The following RPH3A variants were observed in gnomAD, a reference collection of about 807,000 sequenced individuals.
RPH3A encodes rabphilin-3A.
In RPH3A, 48 loss-of-function variants were observed where a neutral mutation model predicts 102.2. The ratio of observed to expected loss-of-function variants is 0.47; its 90% CI spans 0.37 to 0.60. The LOEUF (loss-of-function observed/expected upper bound fraction) is 0.60, where lower values mean the gene tolerates loss of function less well. Ranked by LOEUF, RPH3A falls within the 20% of genes least tolerant of loss-of-function variation. The pLI is 0.00. For missense variants in RPH3A, 781 were observed against 910.1 expected (o/e 0.86, Z 1.83); for synonymous variants, 310 against 324.3 (o/e 0.96, Z 0.47).
intron 1 of RPH3A, among the ~76,000 whole-genome samples, chr12:112,608,309 T>A (rs1333668431): frequency 2.0e-5 from 3 of 151,556 alleles, no homozygotes; most frequent in Admixed American, 6.6e-5. Context: ...AGAGATGGGG[T>A]TTCACCATGT....
intron 2 of RPH3A, among the ~76,000 whole-genome samples, chr12:112,821,635 G>A (rs112550842): frequency 2.0e-5 from 3 of 152,198 alleles, no homozygotes; most frequent in African/African-American, 4.8e-5. Context: ...GGCTCCCTCT[G>A]ACCACCTATT....
At chr12:112,595,674 T>C (rs1268334370) in intron 1 of RPH3A, among the ~76,000 whole-genome samples, 1 of 151,988 alleles carries the variant, frequency 6.6e-6, no homozygotes. Context: ...GCTCAAGCCA[T>C]TCCAGACCAG....
At position 112,765,334 on chromosome 12, in the gene RPH3A, G is replaced by A. The variant is rs572048387; in HGVS notation, c.-139-26809G>A. ...TTCCAGTTTTCCAGAAGAAAGGCAG[G>A]CTGCCTAAATTTTGGCTCTGACAAG... On this transcript the variant is annotated intron_variant, in intron 1 of 21. Transcript: ENST00000543106. Among the ~76,000 whole-genome samples the A allele has an allele frequency of 4.0e-5, 6 of 151,272 alleles. No individual in the cohort carries two copies. In the South Asian group the frequency reaches 1.3e-3, roughly 32 times the overall value.
intron 1 of RPH3A, among the ~76,000 whole-genome samples, chr12:112,747,915 A>G (rs1438800114): frequency 1.3e-5 from 2 of 152,218 alleles, no homozygotes; most frequent in East Asian, 3.8e-4. Context: ...CCTGGCAGCC[A>G]GGAGCCCCTT....
chr12:112,673,036 G>T (rs139486494), intron 1 of RPH3A, among the ~76,000 whole-genome samples: 68 of 152,124 alleles, frequency 4.5e-4, no homozygotes, highest in African/African-American at 1.6e-3. Flanking sequence ...TTCCCAGCAG[G>T]AGTTCACTGA....
At chr12:112,670,765 A>G (rs1016358339) in intron 1 of RPH3A, among the ~76,000 whole-genome samples, 2 of 152,204 alleles carry the variant, frequency 1.3e-5, no homozygotes, top group African/African-American at 4.8e-5. Context: ...TCTCAGTGAC[A>G]GTTCTCAAGA....
At chr12:112,628,342 G>A (rs577273215) in intron 1 of RPH3A, among the ~76,000 whole-genome samples, 1 of 151,978 alleles carries the variant, frequency 6.6e-6, no homozygotes, top group South Asian at 2.1e-4. Flanking sequence ...GCTTGGTGGT[G>A]GAGCAAGTAA....
intron 1 of RPH3A, among the ~76,000 whole-genome samples, chr12:112,608,120 T>C (rs11503145): frequency 7.1e-6 from 1 of 140,752 alleles, no homozygotes; most frequent in Non-Finnish European, 1.5e-5. Flanking sequence ...TTTCTTTTTC[T>C]TTTTTTTTTT....
At chr12:112,726,404 C>T (rs914755768) in intron 1 of RPH3A, among the ~76,000 whole-genome samples, 1 of 152,154 alleles carries the variant, frequency 6.6e-6, no homozygotes, top group Non-Finnish European at 1.5e-5. Flanking sequence ...CATGAAGGTG[C>T]GATTTCTTAC....
chr12:112,837,078 A>C (rs2042063406), intron 4 of RPH3A, among the ~76,000 whole-genome samples: 1 of 152,212 alleles, frequency 6.6e-6, no homozygotes, highest in Admixed American at 6.5e-5. Flanking sequence ...GGGTCCAATA[A>C]ATGAGCAACC....
At chr12:112,741,879 G>A (rs1343092808) in intron 1 of RPH3A, among the ~76,000 whole-genome samples, 2 of 152,120 alleles carry the variant, frequency 1.3e-5, no homozygotes, top group Admixed American at 6.5e-5. Flanking sequence ...TGGGGTTAGC[G>A]ATTGTGCCTC....
chr12:112,677,303 G>C (rs945367058), intron 1 of RPH3A, among the ~76,000 whole-genome samples: 2 of 150,698 alleles, frequency 1.3e-5, no homozygotes, highest in Non-Finnish European at 3.0e-5. Context: ...TTGAGCTTTC[G>C]CAGCACATAG....
intron 1 of RPH3A, among the ~76,000 whole-genome samples, chr12:112,756,514 T>TA (rs890144101): frequency 6.6e-6 from 1 of 152,170 alleles, no homozygotes; most frequent in African/African-American, 2.4e-5. Flanking sequence ...TTTTTAAAAT[T>TA]AAAATTTTTT....
Position 112,897,133 on chromosome 12 carries a change from A to C in RPH3A, c.*353A>C. 1 of 238,684 alleles carries C rather than the reference A, an allele frequency of 4.2e-6. No homozygotes were observed. The highest frequency in any genetic ancestry group is 8.3e-6 in the Non-Finnish European group (1 of 121,122). The allele number at this position is 238,684 out of a possible 1,614,324, so 14.8% of individuals were successfully genotyped here. ...CTGTTTTTAGACCCTCCTAGCCTTG[A>C]ACACACACATGTACACACACACACA... is the stretch of plus-strand genomic sequence containing the variant. On this transcript the variant is annotated 3_prime_UTR_variant, in exon 22 of 22. Transcript: ENST00000389385.
chr12:112,788,147 C>A (rs2041063876), upstream of RPH3A, among the ~76,000 whole-genome samples: 1 of 152,102 alleles, frequency 6.6e-6, no homozygotes, highest in Admixed American at 6.6e-5. Context: ...GCAGTGGTGA[C>A]CAGGGAGGTG....
At chr12:112,812,209 C>T (rs1175100432) in intron 2 of RPH3A, among the ~76,000 whole-genome samples, 1 of 152,110 alleles carries the variant, frequency 6.6e-6, no homozygotes, top group East Asian at 1.9e-4. Context: ...CATGTGAGAA[C>T]CCCTGGAGCT....
At chr12:112,650,399 C>T (rs769496297) in intron 1 of RPH3A, among the ~76,000 whole-genome samples, 7 of 152,150 alleles carry the variant, frequency 4.6e-5, no homozygotes, top group Non-Finnish European at 8.8e-5. Flanking sequence ...CATTGCCAAG[C>T]TCCCTTAATC....
At chr12:112,758,115 G>A (rs2136064921) in intron 1 of RPH3A, among the ~76,000 whole-genome samples, 1 of 152,260 alleles carries the variant, frequency 6.6e-6, no homozygotes, top group South Asian at 2.1e-4. Flanking sequence ...GAATCCAGTT[G>A]CTCCCCACTC....
intron 1 of RPH3A, among the ~76,000 whole-genome samples, chr12:112,748,053 G>A (rs2040760572): frequency 1.3e-5 from 2 of 152,192 alleles, no homozygotes; most frequent in Non-Finnish European, 2.9e-5. Context: ...AAGGAAGGCT[G>A]GGAAATGCAG....
Sources: gnomAD v4.1 joint callset for allele counts (sites outside exome capture counted in the v4.1 genomes callset) on GRCh38, gnomAD v4.1.1 for gene constraint, MANE v1.5 for transcripts, NCBI Gene and HGNC (gene_info 2026-07-23, HGNC 2026-07-21) for gene names.